ERBB4: variants seen among roughly 807,000 people sequenced by gnomAD.
ERBB4 encodes receptor tyrosine-protein kinase erbB-4.
ERBB4 carries 42 observed loss-of-function variants against 158.0 expected under a neutral mutation model. The ratio of observed to expected loss-of-function variants is 0.27; its 90% CI spans 0.21 to 0.34. The LOEUF is 0.34. Ranked by LOEUF, ERBB4 falls within the 10% of genes least tolerant of loss-of-function variation. ERBB4 has a pLI of 1.00. For synonymous variants in ERBB4, 583 were observed against 558.7 expected, an observed-to-expected ratio of 1.04 and a Z score of -0.61; for missense variants, 1,333 against 1,624.1, an observed-to-expected ratio of 0.82 and a Z score of 3.08.
intron 3 of ERBB4, among the ~76,000 whole-genome samples, chr2:211,945,766 G>T (rs934278474): frequency 1.3e-5 from 2 of 152,020 alleles, no homozygotes; most frequent in African/African-American, 4.8e-5. Flanking sequence ...TATTAAATGT[G>T]AAAATAAATA....
intron 4 of ERBB4, among the ~76,000 whole-genome samples, chr2:211,785,170 C>T (rs562483083): frequency 1.3e-5 from 2 of 150,868 alleles, no homozygotes; most frequent in African/African-American, 4.9e-5. Flanking sequence ...GGTGCCATCT[C>T]GGCTCACTGC....
chr2:211,521,036 A>G (rs2066173150), intron 20 of ERBB4, among the ~76,000 whole-genome samples: 1 of 152,150 alleles, frequency 6.6e-6, no homozygotes, highest in Admixed American at 6.5e-5. Flanking sequence ...CAGAAATGTT[A>G]AAATTATGCC....
At chr2:211,814,624 A>G (rs2076837022) in intron 3 of ERBB4, among the ~76,000 whole-genome samples, 1 of 152,156 alleles carries the variant, frequency 6.6e-6, no homozygotes, top group South Asian at 2.1e-4. Flanking sequence ...CGAGACAGAT[A>G]AAAAGTCACT....
At chr2:211,773,598 TTATATATATATATATATATA>T (rs1171015959) in intron 4 of ERBB4, among the ~76,000 whole-genome samples, 1,859 of 29,772 alleles carry the variant, frequency 0.062, 94 homozygotes, top group African/African-American at 0.12. Flanking sequence ...TTCTGTAACT[TTATATATATATATATATATA>T]TATATATATA....
At chr2:212,149,080 G>T (rs1200074452) in intron 1 of ERBB4, among the ~76,000 whole-genome samples, 2 of 147,606 alleles carry the variant, frequency 1.4e-5, no homozygotes, top group Non-Finnish European at 3.0e-5. Context: ...ACGAGTTAGT[G>T]GGTGCAGCAC....
intron 1 of ERBB4, among the ~76,000 whole-genome samples, chr2:212,362,992 AAT>A (rs1238358576): frequency 6.6e-6 from 1 of 151,378 alleles, no homozygotes; most frequent in Non-Finnish European, 1.5e-5. Context: ...AACACGAAAA[AAT>A]ATATTTACTG....
chr2:211,638,104 A>T (rs2070429311), intron 16 of ERBB4, among the ~76,000 whole-genome samples: 1 of 151,944 alleles, frequency 6.6e-6, no homozygotes, highest in Non-Finnish European at 1.5e-5. Flanking sequence ...TATAAGTGAC[A>T]TTCTTCTTCT....
chr2:211,687,715 A>C (rs574302841), intron 12 of ERBB4, among the ~76,000 whole-genome samples: 1 of 152,040 alleles, frequency 6.6e-6, no homozygotes, highest in Non-Finnish European at 1.5e-5. Context: ...CTGAGTTGCC[A>C]GTTTCTTCAT....
At chr2:212,443,682 G>A (rs1268965023) in intron 1 of ERBB4, among the ~76,000 whole-genome samples, 2 of 152,182 alleles carry the variant, frequency 1.3e-5, no homozygotes, top group East Asian at 1.9e-4. Flanking sequence ...TGCCACTTGG[G>A]CCCTGTGACC....
intron 20 of ERBB4, among the ~76,000 whole-genome samples, chr2:211,524,685 A>C (rs2066293755): frequency 7.9e-6 from 1 of 126,344 alleles, no homozygotes; most frequent in Non-Finnish European, 1.6e-5. Context: ...GGGGCCGCCA[A>C]GCCCACGCCC....
chr2:212,466,276 A>C (rs1192706167), intron 1 of ERBB4, among the ~76,000 whole-genome samples: 1 of 152,198 alleles, frequency 6.6e-6, no homozygotes, highest in African/African-American at 2.4e-5. Flanking sequence ...TCCTCAACCA[A>C]ATGTGGATTG....
At chr2:211,397,519 C>G (rs2062945921) in intron 25 of ERBB4, among the ~76,000 whole-genome samples, 1 of 152,150 alleles carries the variant, frequency 6.6e-6, no homozygotes. Context: ...AAATGACTTT[C>G]TTCAGGATGA....
chr2:212,479,871 C>T (rs904594140), intron 1 of ERBB4, among the ~76,000 whole-genome samples: 2 of 152,140 alleles, frequency 1.3e-5, no homozygotes, highest in Non-Finnish European at 2.9e-5. Flanking sequence ...TAACAGAGGA[C>T]TTCATGATGA....
intron 1 of ERBB4, among the ~76,000 whole-genome samples, chr2:212,268,782 T>A (rs571464484): frequency 6.6e-6 from 1 of 151,848 alleles, no homozygotes; most frequent in African/African-American, 2.4e-5. Context: ...GGGTAATAGT[T>A]TGCCAAATCC....
intron 14 of ERBB4, among the ~76,000 whole-genome samples, chr2:211,667,321 C>T (rs978716011): frequency 1.3e-5 from 2 of 151,428 alleles, no homozygotes; most frequent in East Asian, 1.9e-4. Context: ...AAAATGGAGG[C>T]GTGTGAATAG....
intron 19 of ERBB4, among the ~76,000 whole-genome samples, chr2:211,562,687 C>T (rs1277884634): frequency 6.6e-6 from 1 of 150,854 alleles, no homozygotes; most frequent in Non-Finnish European, 1.5e-5. Context: ...AAATTTATTT[C>T]ATTTTCAAAA....
intron 1 of ERBB4, among the ~76,000 whole-genome samples, chr2:212,399,828 G>A (rs1346586201): frequency 2.6e-5 from 4 of 151,692 alleles, no homozygotes; most frequent in South Asian, 2.1e-4. Context: ...GCAGTGAGCC[G>A]AGATCGTGCC....
intron 3 of ERBB4, among the ~76,000 whole-genome samples, chr2:211,907,221 A>G (rs1370426913): frequency 1.3e-5 from 2 of 151,776 alleles, no homozygotes; most frequent in Non-Finnish European, 2.9e-5. Context: ...ATACTAAATG[A>G]GTCTGTGTTT....
At chr2:211,958,934 C>CCTT (rs924906588) in intron 2 of ERBB4, among the ~76,000 whole-genome samples, 10 of 151,944 alleles carry the variant, frequency 6.6e-5, no homozygotes, top group African/African-American at 2.4e-4. Flanking sequence ...CTCTTAGGTG[C>CCTT]CTTCTCTTAG....
Sources: gnomAD v4.1 joint callset for allele counts (sites outside exome capture counted in the v4.1 genomes callset) on GRCh38, gnomAD v4.1.1 for gene constraint, MANE v1.5 for transcripts, NCBI Gene and HGNC (gene_info 2026-07-23, HGNC 2026-07-21) for gene names.